NAALADL2: variants seen among roughly 807,000 people sequenced by gnomAD.
NAALADL2 encodes the protein N-acetylated alpha-linked acidic dipeptidase like 2.
NAALADL2 carries 76 observed loss-of-function variants against 87.2 expected under a neutral mutation model. The observed-to-expected ratio is 0.87, with a 90% CI of 0.72 to 1.05. The LOEUF (loss-of-function observed/expected upper bound fraction) is 1.05. Among genes scored for constraint, NAALADL2 ranks in the 50% least tolerant of loss-of-function variants. NAALADL2 has a pLI of 0.00. For synonymous variants in NAALADL2, 354 were observed against 331.0 expected (o/e 1.07, Z -0.75); for missense variants, 1,089 against 945.8 (o/e 1.15, Z -1.99).
chr3:175,452,323 T>C (rs1248586353), intron 6 of NAALADL2, among the ~76,000 whole-genome samples: 3 of 152,116 alleles, frequency 2.0e-5, no homozygotes, highest in Non-Finnish European at 4.4e-5. Flanking sequence ...TATGATCTTA[T>C]ATGACATAGC....
intron 4 of NAALADL2, among the ~76,000 whole-genome samples, chr3:175,299,676 A>G (rs990633964): frequency 6.6e-6 from 1 of 152,200 alleles, no homozygotes; most frequent in Non-Finnish European, 1.5e-5. Context: ...GTTGCTTATC[A>G]GCTTAAGGAG....
rs753804281 is a variant in NAALADL2, at chr3:175,096,888, T to A, written c.142T>A (p.Leu48Ile). The A allele has an allele frequency of 1.9e-6, 3 of 1,613,302 alleles. No individual in the cohort carries two copies. Among genetic ancestry groups the A allele is most frequent in the Non-Finnish European group, 2.5e-6 (3 of 1,179,596 alleles). The change falls in exon 2 of 14, where the codon TTA (leucine) becomes ATA (isoleucine). Residue 48 changes from leucine to isoleucine, a missense_variant. By Grantham distance (5) the Leu-to-Ile change is conservative. Coordinates refer to ENST00000454872, the MANE Select transcript of NAALADL2 (RefSeq NM_207015.3). ...TGACCTTCAAGCCACTGCCCTTGAC[T>A]TAGAGTGGGACATGGAGAAGGAACT... is the stretch of plus-strand genomic sequence containing the variant. ...NDDLQATALDLEWDMEKELEE... is the reference protein window; with the variant it reads ...NDDLQATALDIEWDMEKELEE...
intron 1 of NAALADL2, among the ~76,000 whole-genome samples, chr3:174,444,173 C>T (rs188353451): frequency 6.6e-5 from 10 of 152,098 alleles, no homozygotes; most frequent in Admixed American, 5.9e-4. Flanking sequence ...ATGCTGTTCA[C>T]GAGGAGGTGA....
intron 13 of NAALADL2, among the ~76,000 whole-genome samples, chr3:175,796,923 G>C (rs1753564711): frequency 6.7e-6 from 1 of 149,420 alleles, no homozygotes; most frequent in Non-Finnish European, 1.5e-5. Flanking sequence ...GATTTTAGTT[G>C]CCTTTGTTTA....
At chr3:174,834,248 A>C (rs2109386846) in intron 3 of NAALADL2, among the ~76,000 whole-genome samples, 1 of 147,708 alleles carries the variant, frequency 6.8e-6, no homozygotes, top group South Asian at 2.1e-4. Context: ...GATTTGCCAA[A>C]ATTTAATGCC....
At chr3:175,479,824 T>C (rs1726201307) in intron 9 of NAALADL2, among the ~76,000 whole-genome samples, 1 of 151,710 alleles carries the variant, frequency 6.6e-6, no homozygotes, top group Non-Finnish European at 1.5e-5. Context: ...AATTATGAAA[T>C]AAATTGAGCA....
At chr3:174,950,289 C>A (rs980322554) in intron 1 of NAALADL2, among the ~76,000 whole-genome samples, 1 of 152,010 alleles carries the variant, frequency 6.6e-6, no homozygotes, top group Non-Finnish European at 1.5e-5. Context: ...GAATCTGCAT[C>A]TCTGAAGAGT....
intron 4 of NAALADL2, among the ~76,000 whole-genome samples, chr3:175,293,079 T>C (rs1755869556): frequency 6.6e-6 from 1 of 150,530 alleles, no homozygotes; most frequent in South Asian, 2.1e-4. Flanking sequence ...AACTCGGTTA[T>C]TGTTCTGAAA....
intron 2 of NAALADL2, among the ~76,000 whole-genome samples, chr3:175,181,065 A>C (rs1353476577): frequency 1.3e-5 from 2 of 152,006 alleles, no homozygotes; most frequent in Non-Finnish European, 2.9e-5. Flanking sequence ...CATACCTATG[A>C]CATTTAGAGG....
intron 1 of NAALADL2, among the ~76,000 whole-genome samples, chr3:175,040,396 TG>T (rs1234713343): frequency 6.6e-6 from 1 of 152,188 alleles, no homozygotes; most frequent in Admixed American, 6.5e-5. Context: ...AGTCAATATT[TG>T]TGTAAAAGAG....
At chr3:174,958,779 C>CTTACAT (rs1239630876) in intron 1 of NAALADL2, among the ~76,000 whole-genome samples, 1 of 151,910 alleles carries the variant, frequency 6.6e-6, no homozygotes, top group African/African-American at 2.4e-5. Context: ...ATTTAGACTG[C>CTTACAT]TTACATTCAA....
At chr3:175,132,653 G>A (rs1382851157) in intron 2 of NAALADL2, among the ~76,000 whole-genome samples, 2 of 121,090 alleles carry the variant, frequency 1.7e-5, no homozygotes, top group African/African-American at 3.6e-5. Flanking sequence ...CTGGCCGGGC[G>A]GGGGGCTGAC....
intron 9 of NAALADL2, among the ~76,000 whole-genome samples, chr3:175,530,133 G>A (rs964809241): frequency 2.0e-5 from 3 of 152,162 alleles, no homozygotes; most frequent in African/African-American, 4.8e-5. Flanking sequence ...CCCATCGGGC[G>A]ATGACAGGGG....
chr3:174,514,155 T>C (rs1033974568), intron 1 of NAALADL2, among the ~76,000 whole-genome samples: 3 of 152,208 alleles, frequency 2.0e-5, no homozygotes, highest in Non-Finnish European at 2.9e-5. Flanking sequence ...TGTTGCTCAC[T>C]GTTAAGATAA....
chr3:174,730,176 T>A (rs554965730), intron 2 of NAALADL2, among the ~76,000 whole-genome samples: 1 of 152,262 alleles, frequency 6.6e-6, no homozygotes, highest in African/African-American at 2.4e-5. Flanking sequence ...TATGTTTCCC[T>A]ATGATTAATT....
intron 4 of NAALADL2, among the ~76,000 whole-genome samples, chr3:175,289,791 T>C (rs1755426706): frequency 6.6e-6 from 1 of 151,786 alleles, no homozygotes; most frequent in Admixed American, 6.6e-5. Context: ...AGAGATCTTG[T>C]CTCAAAAAAC....
At chr3:175,475,682 T>C (rs1453228552) in intron 9 of NAALADL2, among the ~76,000 whole-genome samples, 1 of 152,178 alleles carries the variant, frequency 6.6e-6, no homozygotes, top group African/African-American at 2.4e-5. Context: ...TACATCAGTA[T>C]TGTAAAACTT....
At chr3:175,334,185 A>C (rs1378157997) in intron 5 of NAALADL2, among the ~76,000 whole-genome samples, 3 of 152,152 alleles carry the variant, frequency 2.0e-5, no homozygotes, top group Admixed American at 2.0e-4. Flanking sequence ...TGCTAGACTT[A>C]TTGACTATTG....
At chr3:175,236,949 G>A (rs942241111) in intron 3 of NAALADL2, among the ~76,000 whole-genome samples, 1 of 152,012 alleles carries the variant, frequency 6.6e-6, no homozygotes, top group Non-Finnish European at 1.5e-5. Context: ...CAATTAGATA[G>A]CCTCACCTTC....
Sources: allele counts gnomAD v4.1 joint callset (sites outside exome capture counted in the v4.1 genomes callset), GRCh38; gene constraint gnomAD v4.1.1; transcripts MANE v1.5; gene names NCBI Gene and HGNC (gene_info 2026-07-23, HGNC 2026-07-21).